The following PAGE3 variants were observed in gnomAD, a reference collection of about 807,000 sequenced individuals.
The protein encoded by PAGE3 is P antigen family member 3.
A neutral mutation model predicts 3.8 loss-of-function variants in PAGE3; 9 were observed. The ratio of observed to expected loss-of-function variants is 2.36; its 90% CI spans 1.42 to 4.12. PAGE3 has a LOEUF of 4.12. Among genes scored for constraint, PAGE3 ranks in the 30% most tolerant of loss-of-function variants. The pLI is 0.00. For synonymous variants in PAGE3, 24 were observed against 13.1 expected (o/e 1.83, Z -1.79); for missense variants, 73 against 37.8 (o/e 1.93, Z -2.44).
intron 3 of PAGE3, among the ~76,000 whole-genome samples, chrX:55,260,861 C>T (rs1224860576): frequency 9.0e-6 from 1 of 111,556 alleles, no homozygotes; most frequent in African/African-American, 3.3e-5. Context: ...TATTATCACC[C>T]TTTTCTTTTC....
chrX:55,260,158 T>C (rs1407904529), intron 4 of PAGE3, among the ~76,000 whole-genome samples: 1 of 111,896 alleles, frequency 8.9e-6, no homozygotes, highest in African/African-American at 3.2e-5. Flanking sequence ...TGTTAGAGCT[T>C]GGATTAGAGC....
In PAGE3 at chrX:55,263,895, T is replaced by C. The variant is rs889717555; in HGVS notation, c.9A>G (p.Gly3=). The C allele has an allele frequency of 8.8e-6, 5 of 565,223 alleles. No individual in the cohort carries two copies. Among genetic ancestry groups the C allele is most frequent in the Admixed American group, 2.2e-5 (1 of 44,523 alleles). 46.6% of individuals were successfully genotyped at this position (565,223 alleles called of 1,213,427 possible). A position where few individuals can be genotyped will look rare whatever the true frequency, so the allele number is the denominator to read the frequency against. The change falls in exon 2 of 5, where the codon GGA becomes GGG. Residue 3 remains glycine (G), a synonymous_variant. Transcript: ENST00000374951. Reference sequence around the variant, plus strand: ...TAGATCTGGATCTTGTTCTTTGATGTCCACTCATGTTTCACTCTGAAAGTG... The same window carrying C: ...TAGATCTGGATCTTGTTCTTTGATGCCCACTCATGTTTCACTCTGAAAGTG... The part of the protein sequence containing the change: MS[G]HQRTRSRSRE...
intron 3 of PAGE3, among the ~76,000 whole-genome samples, chrX:55,261,768 A>T (rs1938292426): frequency 9.0e-6 from 1 of 111,598 alleles, no homozygotes; most frequent in South Asian, 3.8e-4. Flanking sequence ...CTGTAAGGGG[A>T]ATAAACATCA....
At chrX:55,260,501 C>T (rs184166975) in intron 4 of PAGE3, 33 bp downstream of exon 4, 3 of 546,082 alleles carry the variant, frequency 5.5e-6, no homozygotes, top group African/African-American at 4.6e-5. Context: ...AAAACAGAAA[C>T]CCCATAATTT....
intron 2 of PAGE3, 22 bp downstream of exon 2, chrX:55,263,798 T>C (rs1470702263): frequency 1.8e-6 from 1 of 549,075 alleles, no homozygotes; most frequent in South Asian, 2.5e-5. Flanking sequence ...TAATAGAAAA[T>C]ATCAAATGTT....
intron 2 of PAGE3, 91 bp from the exon 3 acceptor site, chrX:55,263,450 T>C: frequency 2.2e-6 from 1 of 445,467 alleles, no homozygotes; most frequent in Non-Finnish European, 4.0e-6. Context: ...AAATATATCT[T>C]ACCATAAATA....
chrX:55,261,191 A>T (rs1416494205), intron 3 of PAGE3, among the ~76,000 whole-genome samples: 3 of 112,104 alleles, frequency 2.7e-5, no homozygotes, highest in Non-Finnish European at 5.6e-5. Flanking sequence ...GGTCCAGATT[A>T]AAAAAGATTA....
intron 3 of PAGE3, among the ~76,000 whole-genome samples, chrX:55,262,851 G>C (rs1270859112): frequency 6.6e-5 from 7 of 105,797 alleles, no homozygotes; most frequent in Non-Finnish European, 1.2e-4. Flanking sequence ...ATATATATGT[G>C]ATCTATAATA....
At chrX:55,262,703 GATATATATATATATAT>G (rs10534339) in intron 3 of PAGE3, among the ~76,000 whole-genome samples, 2 of 91,075 alleles carry the variant, frequency 2.2e-5, no homozygotes, top group African/African-American at 8.5e-5. Flanking sequence ...TGTTACATAT[GATATATATATATATAT>G]ATATATATAT....
chrX:55,261,142 A>G (rs758913812), intron 3 of PAGE3, among the ~76,000 whole-genome samples: 53 of 112,127 alleles, frequency 4.7e-4, no homozygotes, highest in African/African-American at 1.6e-3. Context: ...CTCTTAAAAA[A>G]TACCAGTGTC....
chrX:55,259,098 T>C (rs1005401099), intron 4 of PAGE3, among the ~76,000 whole-genome samples: 7 of 111,884 alleles, frequency 6.3e-5, no homozygotes, highest in African/African-American at 1.9e-4. Context: ...GTGGTTCTAG[T>C]ATAATTATCA....
rs759924385 is a variant in PAGE3 at position 55,263,262 on chromosome X, A to G, written c.182T>C (p.Leu61Pro). Residue 61 changes from leucine (L) to proline (P), a missense_variant, in exon 3 of 5, where the codon CTG becomes CCG. By Grantham distance (98) the Leu-to-Pro change is moderately conservative. Coordinates refer to ENST00000374951, the MANE Select transcript of PAGE3 (RefSeq NM_001017931.3). ...TPGQERDEGALDFQVLGLAAY... is the reference protein window; with the variant it reads ...TPGQERDEGAPDFQVLGLAAY... ...CTCCCACGCTTCACCTTGGAAGTCCAGTGCTCCCTCGTCTCTCTCTTGACC... is the reference window on the plus strand; with the variant it reads ...CTCCCACGCTTCACCTTGGAAGTCCGGTGCTCCCTCGTCTCTCTCTTGACC... 6.4e-5 allele frequency: 36 copies of G among 566,111 alleles called. No individual in the cohort carries two copies. The highest frequency in any genetic ancestry group is 1.1e-4 in the Non-Finnish European group (35 of 308,212). The allele number at this position is 566,111 out of a possible 1,213,427, so 46.7% of individuals were successfully genotyped here. A position where few individuals can be genotyped will look rare whatever the true frequency, so the allele number is the denominator to read the frequency against.
intron 3 of PAGE3, among the ~76,000 whole-genome samples, chrX:55,262,603 T>G (rs184168982): frequency 9.2e-5 from 10 of 108,804 alleles, no homozygotes; most frequent in Non-Finnish European, 1.7e-4. Context: ...ACCAGTGAAG[T>G]GCCCTTTGGT....
intron 4 of PAGE3, among the ~76,000 whole-genome samples, chrX:55,258,761 C>T (rs1472332883): frequency 1.8e-5 from 2 of 109,375 alleles, no homozygotes; most frequent in Non-Finnish European, 3.8e-5. Context: ...AGTTTGAGTT[C>T]GAAATGATTT....
chrX:55,263,593 T>C (rs148700490), intron 2 of PAGE3, among the ~76,000 whole-genome samples: 637 of 111,629 alleles, frequency 5.7e-3, no homozygotes, highest in Non-Finnish European at 9.8e-3. Context: ...CAATGTGTTA[T>C]GAATAAGCAG....
chrX:55,259,440 T>C lies in PAGE3; in HGVS notation c.320-912A>G, dbSNP rs779603702. Among the ~76,000 whole-genome samples the C allele has an allele frequency of 1.4e-3, 151 of 111,696 alleles. 2 individuals are homozygous for C. Among genetic ancestry groups the C allele is most frequent in the Non-Finnish European group, 2.6e-3 (137 of 52,939 alleles). ...TAAATATTCATTTACTACTGTGGTA[T>C]AGTAAATGATTTTATGTTTTGCTAG... On this transcript the variant is annotated intron_variant, in intron 4 of 4. Transcript: ENST00000374951.
chrX:55,262,202 C>T (rs1301244870), intron 3 of PAGE3, among the ~76,000 whole-genome samples: 1 of 111,546 alleles, frequency 9.0e-6, no homozygotes, highest in African/African-American at 3.3e-5. Flanking sequence ...AATGCCATAC[C>T]TGGAAGAACT....
chrX:55,264,855 A>T lies in PAGE3; in HGVS notation c.-318T>A, dbSNP rs1178751040. The T allele has an allele frequency of 9.0e-6, 1 of 111,163 alleles. No homozygotes were observed. The highest frequency in any genetic ancestry group is 9.5e-5 in the Admixed American group (1 of 10,484). The allele number at this position is 111,163 out of a possible 1,213,427, so 9.2% of individuals were successfully genotyped here. A position where few individuals can be genotyped will look rare whatever the true frequency, so the allele number is the denominator to read the frequency against. On this transcript the variant is annotated 5_prime_UTR_variant, in exon 1 of 5. Transcript: ENST00000374951. ...AGTGAGAAAGAATGAAGAGGACAGG[A>T]GGACCACCTCTCAGGGCAGAGCTCT...
Position 55,260,598 on chromosome X carries a change from T to A in PAGE3, c.255A>T (p.Gly85=), listed in dbSNP as rs3761560. The change falls in exon 4 of 5, where the codon GGA becomes GGT. Residue 85 remains glycine (G), a synonymous_variant. Coordinates refer to ENST00000374951, the MANE Select transcript of PAGE3 (RefSeq NM_001017931.3). ...ATTCTCCCTTGACATTAGGACCATC[T>A]CCACGTTCACCCCCAGTCTTTGACC... ...LTRSKTGGER[G]DGPNVKGEFL... 1.8e-6 allele frequency: 1 copy of A among 565,676 alleles called. No homozygotes were observed. Among genetic ancestry groups the A allele is most frequent in the South Asian group, 2.3e-5 (1 of 44,338 alleles). The allele number at this position is 565,676 out of a possible 1,213,427, so 46.6% of individuals were successfully genotyped here.
Sources: gnomAD v4.1 joint callset for allele counts (sites outside exome capture counted in the v4.1 genomes callset) on GRCh38, gnomAD v4.1.1 for gene constraint, MANE v1.5 for transcripts, NCBI Gene and HGNC (gene_info 2026-07-23, HGNC 2026-07-21) for gene names.